C2CD5: variants seen among roughly 807,000 people sequenced by gnomAD.
C2CD5 encodes the protein C2 domain-containing protein 5.
In C2CD5, 109 loss-of-function variants were observed where a neutral mutation model predicts 130.3. The ratio of observed to expected loss-of-function variants is 0.84; its 90% CI spans 0.72 to 0.98. The LOEUF is 0.98. C2CD5 is among the 50% of genes least tolerant of loss of function. C2CD5 has a pLI of 0.00. For synonymous variants in C2CD5, 454 were observed against 429.2 expected (o/e 1.06, Z -0.71); for missense variants, 996 against 1,261.8 (o/e 0.79, Z 3.19).
intron 12 of C2CD5, among the ~76,000 whole-genome samples, chr12:22,487,640 G>C (rs567638900): frequency 0.021 from 3,249 of 152,134 alleles, 41 homozygotes; most frequent in Non-Finnish European, 0.035. Context: ...GGAAGTCAGT[G>C]TGGCAATTCC....
rs117564130 is a variant in C2CD5 at position 22,496,301 on chromosome 12, T to C, written c.1148-2964A>G. 5.3e-5 allele frequency among the ~76,000 whole-genome samples: 8 copies of C among 152,160 alleles called. No individual in the cohort carries two copies. In the East Asian group the frequency reaches 1.5e-3, roughly 29 times the overall value. ...TGTTTAAGGTTTAAAAACTGATAAC[T>C]ACAGTCTTATAGGAATGTATTGTGT... On this transcript the variant is annotated intron_variant, in intron 10 of 26. Coordinates refer to ENST00000446597, the MANE Select transcript of C2CD5 (RefSeq NM_001286176.2).
intron 14 of C2CD5, among the ~76,000 whole-genome samples, chr12:22,481,239 C>T: frequency 6.6e-6 from 1 of 152,080 alleles, no homozygotes. Context: ...CATTTTTGCT[C>T]TTAAAGAAAG....
chr12:22,498,903 T>C (rs1394406201), intron 10 of C2CD5, among the ~76,000 whole-genome samples: 3 of 152,180 alleles, frequency 2.0e-5, no homozygotes, highest in Admixed American at 6.5e-5. Context: ...TCTTTACTTC[T>C]TCTTGCCACT....
At chr12:22,478,971 C>A (rs943394866) in intron 14 of C2CD5, among the ~76,000 whole-genome samples, 1 of 152,054 alleles carries the variant, frequency 6.6e-6, no homozygotes. Flanking sequence ...TGGTAATAAG[C>A]GTTGGTTTCT....
chr12:22,451,238 C>T (rs994313702), intron 26 of C2CD5, among the ~76,000 whole-genome samples: 2 of 151,760 alleles, frequency 1.3e-5, no homozygotes, highest in Non-Finnish European at 2.9e-5. Flanking sequence ...ATTTTAGATA[C>T]AAAATAAAAC....
chr12:22,452,931 C>T (rs1316780210), intron 26 of C2CD5, among the ~76,000 whole-genome samples: 2 of 152,056 alleles, frequency 1.3e-5, no homozygotes, highest in Non-Finnish European at 2.9e-5. Context: ...TTTGCATTTC[C>T]ATAATGTCTT....
intron 3 of C2CD5, among the ~76,000 whole-genome samples, chr12:22,529,729 C>G (rs1310963513): frequency 6.6e-6 from 1 of 152,060 alleles, no homozygotes; most frequent in South Asian, 2.1e-4. Flanking sequence ...AAATGTGATA[C>G]AAGCATAAAT....
At chr12:22,513,548 C>T (rs1215560588) in intron 8 of C2CD5, among the ~76,000 whole-genome samples, 169 bp from the exon 9 acceptor site, 4 of 152,106 alleles carry the variant, frequency 2.6e-5, no homozygotes, top group African/African-American at 9.7e-5. Flanking sequence ...CTTTTATTCA[C>T]AGTTTTCTTT....
intron 10 of C2CD5, among the ~76,000 whole-genome samples, chr12:22,504,164 GTTTTT>G (rs922201149): frequency 4.9e-5 from 7 of 143,314 alleles, no homozygotes; most frequent in African/African-American, 1.8e-4. Flanking sequence ...AATGCAGTTC[GTTTTT>G]TTTTTTAAGT....
At chr12:22,528,289 T>TGAGCA (rs1950908958) in intron 3 of C2CD5, among the ~76,000 whole-genome samples, 1 of 152,182 alleles carries the variant, frequency 6.6e-6, no homozygotes, top group African/African-American at 2.4e-5. Context: ...CACCACAATT[T>TGAGCA]CTAAGGGCGA....
chr12:22,519,051 C>A (rs1950031995), intron 7 of C2CD5: 1 of 1,446,360 alleles, frequency 6.9e-7, no homozygotes, highest in South Asian at 1.3e-5. Context: ...TGCCTGCCTG[C>A]CTCTGCAGCC....
At chr12:22,454,144 A>C (rs1057247116) in intron 25 of C2CD5, 102 bp from the exon 26 acceptor site, 2 of 880,846 alleles carry the variant, frequency 2.3e-6, no homozygotes, top group Non-Finnish European at 3.4e-6. Flanking sequence ...ATCCTAAATT[A>C]TCTTAATATA....
intron 17 of C2CD5, 171 bp from the exon 18 acceptor site, chr12:22,472,518 T>A: frequency 1.6e-6 from 1 of 613,896 alleles, no homozygotes; most frequent in Non-Finnish European, 2.9e-6. Context: ...TATCACAGGT[T>A]TTTTTTTCCG....
chr12:22,453,866 G>T, intron 26 of C2CD5, 30 bp downstream of exon 26: 1 of 1,602,642 alleles, frequency 6.2e-7, no homozygotes, highest in Non-Finnish European at 8.5e-7. Context: ...TCAGGTTCCC[G>T]CCAATCAGGA....
At chr12:22,489,821 C>T (rs973462329) in intron 12 of C2CD5, among the ~76,000 whole-genome samples, 1 of 151,890 alleles carries the variant, frequency 6.6e-6, no homozygotes, top group Admixed American at 6.6e-5. Context: ...AGAGAAAGAT[C>T]CAAAGATTAT....
chr12:22,466,344 T>G (rs1942071174), intron 22 of C2CD5, among the ~76,000 whole-genome samples: 1 of 151,556 alleles, frequency 6.6e-6, no homozygotes. Context: ...CTTAACAAAA[T>G]GATTAAAAAA....
At chr12:22,515,833 A>G (rs890854367) in intron 8 of C2CD5, among the ~76,000 whole-genome samples, 6 of 152,028 alleles carry the variant, frequency 3.9e-5, no homozygotes, top group African/African-American at 2.4e-5. Context: ...AAAACTATAC[A>G]TAGTTAAAAG....
rs767810284 is a variant in C2CD5, at chr12:22,506,764, C to G, written c.1094G>C (p.Gly365Ala). The G allele has an allele frequency of 6.2e-7, 1 of 1,612,770 alleles. No homozygotes were observed. Among genetic ancestry groups the G allele is most frequent in the Non-Finnish European group, 8.5e-7 (1 of 1,178,888 alleles). The change falls in exon 10 of 27, where the codon GGG becomes GCG. Residue 365 changes from glycine (G) to alanine (A), a missense_variant. Physicochemically the swap from Gly to Ala is moderately conservative, Grantham distance 60. Transcript: ENST00000446597. Reference sequence around the variant, plus strand: ...CACAGAACGTGCACTAACTACACCCCCAACGTGTACAAGGAATCCAGGAGG... The same window carrying G: ...CACAGAACGTGCACTAACTACACCCGCAACGTGTACAAGGAATCCAGGAGG... ...AFPPGFLVHV[G>A]GVVSARSVKL...
intron 2 of C2CD5, 108 bp downstream of exon 2, chr12:22,543,953 G>A: frequency 1.2e-6 from 1 of 810,664 alleles, no homozygotes; most frequent in Middle Eastern, 2.3e-4. Context: ...ACGGCCGAAG[G>A]GAGGGCAGTC....
Sources: allele counts gnomAD v4.1 joint callset (sites outside exome capture counted in the v4.1 genomes callset), GRCh38; gene constraint gnomAD v4.1.1; transcripts MANE v1.5; gene names NCBI Gene and HGNC (gene_info 2026-07-23, HGNC 2026-07-21).